Variants in OSBPL8 observed in about 807,000 individuals in gnomAD.
OSBPL8 encodes oxysterol-binding protein-related protein 8.
A neutral mutation model predicts 125.5 loss-of-function variants in OSBPL8; 59 were observed. The ratio of observed to expected loss-of-function variants is 0.47; its 90% CI spans 0.38 to 0.58. OSBPL8 has a LOEUF of 0.58. Among genes scored for constraint, OSBPL8 ranks in the 20% least tolerant of loss-of-function variants. The pLI is 0.00. For synonymous variants in OSBPL8, 330 were observed against 338.9 expected (o/e 0.97, Z 0.29); for missense variants, 758 against 1,047.8 (o/e 0.72, Z 3.82).
chr12:76,518,540 T>G (rs1881773521), intron 1 of OSBPL8, among the ~76,000 whole-genome samples: 1 of 152,218 alleles, frequency 6.6e-6, no homozygotes, highest in Non-Finnish European at 1.5e-5. Flanking sequence ...GGACTCTGTG[T>G]GGGAACTCCA....
chr12:76,384,315 A>G lies in OSBPL8; in HGVS notation c.1569T>C (p.Val523=). 1 of 1,569,678 alleles carries G rather than the reference A, an allele frequency of 6.4e-7. No homozygotes were observed. The highest frequency in any genetic ancestry group is 8.7e-7 in the Non-Finnish European group (1 of 1,150,900). Residue 523 remains valine (V), a synonymous_variant, in exon 15 of 24, where the codon GTT becomes GTC. Coordinates refer to ENST00000261183, the MANE Select transcript of OSBPL8 (RefSeq NM_020841.5). ...GGCAAAATCCATCTTTTCGATTACT[A>G]ACATAAAAGGCAGATATTGGTGGAT... ...SHHPPISAFY[V]SNRKDGFCLS...
At chr12:76,461,427 C>T (rs1874715937) in intron 2 of OSBPL8, among the ~76,000 whole-genome samples, 1 of 151,988 alleles carries the variant, frequency 6.6e-6, no homozygotes, top group African/African-American at 2.4e-5. Flanking sequence ...AGCAGATCTC[C>T]CACTCCACCC....
chr12:76,534,196 T>C (rs1343486165), intron 1 of OSBPL8: 1 of 152,164 alleles, frequency 6.6e-6, no homozygotes, highest in Non-Finnish European at 1.5e-5. Flanking sequence ...TGTTCCCAAT[T>C]AACACACACT....
intron 22 of OSBPL8, among the ~76,000 whole-genome samples, chr12:76,358,232 T>C (rs1952062278): frequency 7.2e-6 from 1 of 138,654 alleles, no homozygotes; most frequent in Admixed American, 8.3e-5. Context: ...CAGGCTGGAG[T>C]GCAGTAGTGT....
At chr12:76,516,224 C>T (rs1438580520) in intron 1 of OSBPL8, among the ~76,000 whole-genome samples, 1 of 152,148 alleles carries the variant, frequency 6.6e-6, no homozygotes, top group East Asian at 1.9e-4. Context: ...AGATGAAACT[C>T]CCATGTGAAA....
intron 1 of OSBPL8, among the ~76,000 whole-genome samples, chr12:76,524,437 AT>A (rs572535355): frequency 4.0e-5 from 6 of 151,668 alleles, no homozygotes; most frequent in African/African-American, 4.8e-5. Flanking sequence ...GAGCAATTAA[AT>A]TTTTTTTTAA....
At chr12:76,484,884 A>G (rs1441247733) in intron 2 of OSBPL8, among the ~76,000 whole-genome samples, 1 of 152,160 alleles carries the variant, frequency 6.6e-6, no homozygotes, top group Non-Finnish European at 1.5e-5. Context: ...GAAGGAACCT[A>G]ATGAACAAGA....
intron 3 of OSBPL8, among the ~76,000 whole-genome samples, chr12:76,459,416 T>C (rs535443991): frequency 7.5e-4 from 115 of 152,358 alleles, no homozygotes; most frequent in African/African-American, 2.0e-3. Flanking sequence ...AGGTAAAACA[T>C]GTTTCACTTA....
At chr12:76,362,576 T>C (rs1001101181) in intron 21 of OSBPL8, among the ~76,000 whole-genome samples, 2 of 152,192 alleles carry the variant, frequency 1.3e-5, no homozygotes, top group East Asian at 1.9e-4. Context: ...GCCGATATCA[T>C]ACTGAGTGGG....
At chr12:76,420,946 C>A (rs1172368903) in intron 4 of OSBPL8, among the ~76,000 whole-genome samples, 5 of 151,952 alleles carry the variant, frequency 3.3e-5, no homozygotes, top group Non-Finnish European at 4.4e-5. Flanking sequence ...ACAAAGCAAA[C>A]CATTTACTTT....
At chr12:76,540,626 T>C (rs1950615451) in intron 1 of OSBPL8, among the ~76,000 whole-genome samples, 1 of 151,772 alleles carries the variant, frequency 6.6e-6, no homozygotes, top group African/African-American at 2.4e-5. Context: ...AATGAGTTTT[T>C]ATAGCTGCTG....
chr12:76,459,716 T>G (rs1021080935), intron 3 of OSBPL8, 143 bp downstream of exon 3: 1 of 919,804 alleles, frequency 1.1e-6, no homozygotes, highest in Non-Finnish European at 1.7e-6. Context: ...CCATTTATAT[T>G]CTTTACTTTA....
chr12:76,527,500 T>C (rs1409707252), intron 1 of OSBPL8, among the ~76,000 whole-genome samples: 1 of 152,238 alleles, frequency 6.6e-6, no homozygotes, highest in Non-Finnish European at 1.5e-5. Flanking sequence ...TCATCGAGTA[T>C]AAATCTGTCA....
chr12:76,472,840 G>A (rs182129957), intron 2 of OSBPL8, among the ~76,000 whole-genome samples: 19 of 152,280 alleles, frequency 1.2e-4, no homozygotes, highest in Admixed American at 1.2e-3. Flanking sequence ...ACAGGGAGAC[G>A]GTTAGGCCTC....
intron 3 of OSBPL8, among the ~76,000 whole-genome samples, 178 bp from the exon 4 acceptor site, chr12:76,451,166 A>C (rs1450259033): frequency 6.6e-6 from 1 of 152,208 alleles, no homozygotes; most frequent in East Asian, 1.9e-4. Flanking sequence ...TTTGTTACTG[A>C]TCCAAGAAGA....
intron 1 of OSBPL8, among the ~76,000 whole-genome samples, chr12:76,552,398 C>T (rs1950968381): frequency 1.5e-5 from 2 of 130,482 alleles, no homozygotes; most frequent in Admixed American, 9.3e-5. Flanking sequence ...TGCACTCTGG[C>T]CTGAGCAACA....
Position 76,354,106 on chromosome 12 carries a change from A to G in OSBPL8, c.*1783T>C, listed in dbSNP as rs1004841573. The G allele has an allele frequency of 2.6e-5, 4 of 152,428 alleles. No homozygotes were observed. Among genetic ancestry groups the G allele is most frequent in the East Asian group, 1.9e-4 (1 of 5,204 alleles). 9.4% of individuals were successfully genotyped at this position (152,428 alleles called of 1,614,324 possible). ...TTGTACAATATTTACAGAATATCAT[A>G]TATCAATGAATAGGCAGAGTGTAAC... On this transcript the variant is annotated 3_prime_UTR_variant, in exon 24 of 24. Transcript: ENST00000261183.
intron 6 of OSBPL8, among the ~76,000 whole-genome samples, chr12:76,401,406 G>C (rs926705848): frequency 1.3e-5 from 2 of 152,170 alleles, no homozygotes; most frequent in Admixed American, 1.3e-4. Context: ...AGCTAACCCT[G>C]AGGGCATTCT....
chr12:76,474,341 A>G (rs1200316572), intron 2 of OSBPL8, among the ~76,000 whole-genome samples: 2 of 152,172 alleles, frequency 1.3e-5, no homozygotes, highest in African/African-American at 4.8e-5. Flanking sequence ...AGTCAACTTA[A>G]GTTTAATAGG....
Sources: gnomAD v4.1 joint callset for allele counts (sites outside exome capture counted in the v4.1 genomes callset) on GRCh38, gnomAD v4.1.1 for gene constraint, MANE v1.5 for transcripts, NCBI Gene and HGNC (gene_info 2026-07-23, HGNC 2026-07-21) for gene names.